The following SDCBP2 variants were observed in gnomAD, a reference collection of about 807,000 sequenced individuals.
SDCBP2 encodes syndecan binding protein 2.
SDCBP2 carries 28 observed loss-of-function variants against 30.7 expected under a neutral mutation model. The ratio of observed to expected loss-of-function variants is 0.91; its 90% CI spans 0.68 to 1.25. The LOEUF (loss-of-function observed/expected upper bound fraction) is 1.25, where lower values mean the gene tolerates loss of function less well. Ranked by LOEUF, SDCBP2 falls within the 50% of genes most tolerant of loss-of-function variation. The pLI is 0.00. For synonymous variants in SDCBP2, 166 were observed against 157.3 expected (o/e 1.06, Z -0.41); for missense variants, 399 against 379.0 (o/e 1.05, Z -0.44).
chr20:1,310,787 G>GGT lies in SDCBP2; in HGVS notation c.824+11_824+12dup, dbSNP rs1568557368. The GGT allele has an allele frequency of 1.6e-5, 25 of 1,605,584 alleles. No individual in the cohort carries two copies. Among genetic ancestry groups the GGT allele is most frequent in the Non-Finnish European group, 2.0e-5 (23 of 1,173,384 alleles). On this transcript the variant is annotated intron_variant, in intron 8 of 8. Coordinates refer to ENST00000360779, the MANE Select transcript of SDCBP2 (RefSeq NM_080489.5). ...GGAGGGGTGAGGAGGGGTGAGGAGG[G>GGT]GTGCAGCCTTACTTTTTGACCATGT...
At position 1,312,887 on chromosome 20, in the gene SDCBP2, A is replaced by C. The variant is rs1218230252; in HGVS notation, c.385-125T>G. ...CAGGGTGCCAGGGACACAGCTCTGC[A>C]TGGCAGGCACCAAGGTTACCCCATT... is the stretch of plus-strand genomic sequence containing the variant. On this transcript the variant is annotated intron_variant, in intron 5 of 8. Transcript: ENST00000360779. The C allele has an allele frequency of 2.6e-5, 28 of 1,068,766 alleles. No individual in the cohort carries two copies. In the Admixed American group the frequency reaches 7.7e-4, roughly 29 times the overall value. The allele number at this position is 1,068,766 out of a possible 1,614,324, so 66.2% of individuals were successfully genotyped here.
intron 4 of SDCBP2, among the ~76,000 whole-genome samples, chr20:1,314,023 G>C (rs1034335697): frequency 1.3e-5 from 2 of 152,044 alleles, no homozygotes; most frequent in African/African-American, 4.8e-5. Flanking sequence ...GAAATAAAAC[G>C]GTTCCTATTT....
At position 1,321,731 on chromosome 20, in the gene SDCBP2, T is replaced by C. The variant is rs908148831; in HGVS notation, c.-19-1296A>G. Reference sequence around the variant, plus strand: ...AGGGCCTTCACGATTCCACCAGAGATTGGAACTGGTGGGCCCAGGGCCAGA... The same window carrying C: ...AGGGCCTTCACGATTCCACCAGAGACTGGAACTGGTGGGCCCAGGGCCAGA... On this transcript the variant is annotated intron_variant, in intron 1 of 8. Transcript: ENST00000360779. This position sits in a 1 kb window ranked among gnomAD's most constrained non-coding sequence, Gnocchi z 5.2. 2.0e-5 allele frequency: 3 copies of C among 152,226 alleles called. No homozygotes were observed. The highest frequency in any genetic ancestry group is 7.2e-5 in the African/African-American group (3 of 41,460). 9.4% of individuals were successfully genotyped at this position (152,226 alleles called of 1,614,324 possible).
chr20:1,313,662 C>T lies in SDCBP2; in HGVS notation c.226-164G>A. On this transcript the variant is annotated intron_variant, in intron 4 of 8. Coordinates refer to ENST00000360779, the MANE Select transcript of SDCBP2 (RefSeq NM_080489.5). The surrounding 1 kb of genome is among the most constrained non-coding windows in gnomAD (Gnocchi z 5.2). ...CCCCTAGGGGCGAGAGGAGACGTGG[C>T]TCCACGCGGCCACTAGGGGGCGTCA... 7.3e-7 allele frequency: 1 copy of T among 1,372,386 alleles called. No individual in the cohort carries two copies. Among genetic ancestry groups the T allele is most frequent in the Non-Finnish European group, 9.4e-7 (1 of 1,065,052 alleles). The allele number at this position is 1,372,386 out of a possible 1,614,324, so 85.0% of individuals were successfully genotyped here.
intron 1 of SDCBP2, among the ~76,000 whole-genome samples, chr20:1,328,843 C>T (rs1441639723): frequency 6.6e-6 from 1 of 152,094 alleles, no homozygotes; most frequent in Admixed American, 6.5e-5. Context: ...CAGAAGGCAT[C>T]GGGGGCCCTC....
chr20:1,318,171 T>C, intron 4 of SDCBP2, 147 bp downstream of exon 4: 1 of 691,544 alleles, frequency 1.4e-6, no homozygotes, highest in Non-Finnish European at 2.7e-6. Context: ...AAATGAACGG[T>C]GCCATCAAGA....
Position 1,320,571 on chromosome 20 carries a change from C to T in SDCBP2, c.-19-136G>A. ...AGGCAGCAGGGCACTTAGAATGCCTCCCCGAACTCCACCCCTAATCCCCTG... is the reference window on the plus strand; with the variant it reads ...AGGCAGCAGGGCACTTAGAATGCCTTCCCGAACTCCACCCCTAATCCCCTG... On this transcript the variant is annotated intron_variant, in intron 1 of 8. Transcript: ENST00000360779. The surrounding 1 kb of genome is among the most constrained non-coding windows in gnomAD (Gnocchi z 4.7). 1 of 628,402 alleles carries T rather than the reference C, an allele frequency of 1.6e-6. No individual in the cohort carries two copies. The highest frequency in any genetic ancestry group is 2.8e-6 in the Non-Finnish European group (1 of 353,840). The allele number at this position is 628,402 out of a possible 1,614,324, so 38.9% of individuals were successfully genotyped here. A position where few individuals can be genotyped will look rare whatever the true frequency, so the allele number is the denominator to read the frequency against.
intron 4 of SDCBP2, among the ~76,000 whole-genome samples, chr20:1,316,346 A>G (rs2088776512): frequency 6.6e-6 from 1 of 152,162 alleles, no homozygotes; most frequent in East Asian, 1.9e-4. Context: ...GCACTCATGT[A>G]TTGCTCACGG....
rs202224669 is a variant in SDCBP2 at position 1,313,306 on chromosome 20, G to T, written c.384+34C>A. 2.7e-4 allele frequency: 426 copies of T among 1,599,978 alleles called. No homozygotes were observed. In the East Asian group the frequency reaches 7.0e-3, roughly 26 times the overall value. On this transcript the variant is annotated intron_variant, in intron 5 of 8. Transcript: ENST00000360779. The surrounding 1 kb of genome is among the most constrained non-coding windows in gnomAD (Gnocchi z 5.2). The stretch of plus-strand genomic sequence containing the variant: ...CCTGGCGGGAGAGCGCGTGCAGCTC[G>T]AGCTCCTCTTCCCACCCAGCCCCCG...
rs1312555876 is a variant in SDCBP2, at chr20:1,320,884, GA to G, written c.-19-450del. On this transcript the variant is annotated intron_variant, in intron 1 of 8. Coordinates refer to ENST00000360779, the MANE Select transcript of SDCBP2 (RefSeq NM_080489.5). This position sits in a 1 kb window ranked among gnomAD's most constrained non-coding sequence, Gnocchi z 4.7. ...AGTGAAAGGAATGATGACCTCTTAA[GA>G]AATGTTTTATTCCCTTCCTGACGAA... 1.3e-5 allele frequency: 2 copies of G among 153,712 alleles called. No individual in the cohort carries two copies. The highest frequency in any genetic ancestry group is 2.9e-5 in the Non-Finnish European group (2 of 69,018). The allele number at this position is 153,712 out of a possible 1,614,324, so 9.5% of individuals were successfully genotyped here. A position where few individuals can be genotyped will look rare whatever the true frequency, so the allele number is the denominator to read the frequency against.
chr20:1,318,955 T>C (rs1326597701), intron 3 of SDCBP2, among the ~76,000 whole-genome samples: 2 of 152,224 alleles, frequency 1.3e-5, no homozygotes, highest in Non-Finnish European at 2.9e-5. Flanking sequence ...GCTTCCAGCC[T>C]CCAGAGCTGT....
Position 1,310,452 on chromosome 20 carries a change from G to A in SDCBP2, c.868C>T (p.Pro290Ser). The A allele has an allele frequency of 6.2e-7, 1 of 1,613,558 alleles. No homozygotes were observed. The highest frequency in any genetic ancestry group is 1.1e-5 in the South Asian group (1 of 91,068). Reference sequence around the variant, plus strand: ...GCCCTGCAGTGGCTTCAGGCATCTGGGATGGAGTGGTCCATGGTGTGGTGG... The same window carrying A: ...GCCCTGCAGTGGCTTCAGGCATCTGAGATGGAGTGGTCCATGGTGTGGTGG... ...LLHHTMDHSI[P>S]DA is the part of the protein sequence containing the mutation. Residue 290 changes from proline to serine, a missense_variant, in exon 9 of 9, where the codon CCA becomes TCA. Coordinates refer to ENST00000360779, the MANE Select transcript of SDCBP2 (RefSeq NM_080489.5).
chr20:1,317,330 C>T (rs1291416004), intron 4 of SDCBP2, among the ~76,000 whole-genome samples: 1 of 152,188 alleles, frequency 6.6e-6, no homozygotes, highest in Non-Finnish European at 1.5e-5. Flanking sequence ...TCTGTACTCA[C>T]TTTGCATCTT....
In SDCBP2 at chr20:1,311,177, G is replaced by C. The variant is rs1215622065; in HGVS notation, c.733-286C>G. ...GCTTGAAGGCCAGCGGTGTGAGCCT[G>C]ACGCGTAACAGGGCCTCATCAATGC... On this transcript the variant is annotated intron_variant, in intron 7 of 8. Coordinates refer to ENST00000360779, the MANE Select transcript of SDCBP2 (RefSeq NM_080489.5). 1.1e-5 allele frequency: 4 copies of C among 364,742 alleles called. No individual in the cohort carries two copies. The East Asian group carries it at 1.8e-4, about 17-fold the overall frequency. The allele number at this position is 364,742 out of a possible 1,614,324, so 22.6% of individuals were successfully genotyped here. A position where few individuals can be genotyped will look rare whatever the true frequency, so the allele number is the denominator to read the frequency against.
At position 1,313,354 on chromosome 20, in the gene SDCBP2, G is replaced by A; in HGVS notation, c.370C>T (p.Arg124Trp). 6.2e-7 allele frequency: 1 copy of A among 1,611,392 alleles called. No individual in the cohort carries two copies. Among genetic ancestry groups the A allele is most frequent in the Non-Finnish European group, 8.5e-7 (1 of 1,179,590 alleles). The part of the protein sequence containing the change: ...DERGKTGLRL[R>W]KVDQGLFVQL... ...CCGCGCCCTACCTGGTCGACCTTCC[G>A]CAGCCTCAGCCCGGTCTTGCCGCGC... The change falls in exon 5 of 9, where the codon CGG becomes TGG. Residue 124 changes from arginine (R) to tryptophan (W), a missense_variant. Arg to Trp is a moderately radical substitution (Grantham distance 101, BLOSUM62 -3). Transcript: ENST00000360779. This position sits in a 1 kb window ranked among gnomAD's most constrained non-coding sequence, Gnocchi z 5.2.
intron 1 of SDCBP2, chr20:1,325,370 A>C (rs2088906325): frequency 6.6e-6 from 1 of 152,194 alleles, no homozygotes; most frequent in Non-Finnish European, 1.5e-5. Context: ...CGTTTCGCCC[A>C]CCCAGGCCCG....
chr20:1,315,166 G>T (rs552051381), intron 4 of SDCBP2, among the ~76,000 whole-genome samples: 1 of 152,320 alleles, frequency 6.6e-6, no homozygotes, highest in African/African-American at 2.4e-5. Context: ...AGTATCAGTG[G>T]AACAAAGTAG....
At chr20:1,310,568 C>T (rs554279541) in intron 8 of SDCBP2, 73 bp from the exon 9 acceptor site, 36 of 1,418,932 alleles carry the variant, frequency 2.5e-5, no homozygotes, top group Middle Eastern at 1.8e-4. Context: ...CACCCCCTTC[C>T]GAGCCAGTGC....
At position 1,313,333 on chromosome 20, in the gene SDCBP2, G is replaced by A. The variant is rs1235672744; in HGVS notation, c.384+7C>T. On this transcript the variant is annotated splice_region_variant and intron_variant, in intron 5 of 8. Transcript: ENST00000360779. The surrounding 1 kb of genome is among the most constrained non-coding windows in gnomAD (Gnocchi z 5.2). ...GCTCCTCTTCCCACCCAGCCCCCGC[G>A]CCCTACCTGGTCGACCTTCCGCAGC... The A allele has an allele frequency of 1.9e-6, 3 of 1,610,138 alleles. No homozygotes were observed. The highest frequency in any genetic ancestry group is 1.3e-5 in the African/African-American group (1 of 74,902).
Sources: gnomAD v4.1 joint callset for allele counts (sites outside exome capture counted in the v4.1 genomes callset) on GRCh38, gnomAD v4.1.1 for gene constraint, Gnocchi (gnomAD v3.1) non-coding constraint, MANE v1.5 for transcripts, NCBI Gene and HGNC (gene_info 2026-07-23, HGNC 2026-07-21) for gene names.